LGR5: variants seen among roughly 807,000 people sequenced by gnomAD.
LGR5 encodes leucine rich repeat containing G protein-coupled receptor 5, also known as leucine-rich repeat-containing G protein-coupled receptor 5.
Under a neutral mutation model 76.7 loss-of-function variants are expected in LGR5, and 54 were observed. The observed-to-expected ratio is 0.70, with a 90% confidence interval of 0.57 to 0.88. The LOEUF is 0.88. Among genes scored for constraint, LGR5 ranks in the 40% least tolerant of loss-of-function variants. The pLI, the probability that LGR5 is intolerant of heterozygous loss-of-function variation, is 0.00. For missense variants in LGR5, 1,078 were observed against 1,073.3 expected (o/e 1.00, Z -0.06); for synonymous variants, 406 against 421.9 (o/e 0.96, Z 0.46).
intron 2 of LGR5, among the ~76,000 whole-genome samples, chr12:71,505,000 G>A (rs1874787453): frequency 6.6e-6 from 1 of 152,122 alleles, no homozygotes; most frequent in East Asian, 1.9e-4. Flanking sequence ...TAAGCAGCAG[G>A]ATATTAAAAG....
chr12:71,442,203 T>C (rs533265080), intron 1 of LGR5, among the ~76,000 whole-genome samples: 1 of 152,350 alleles, frequency 6.6e-6, no homozygotes, highest in South Asian at 2.1e-4. Flanking sequence ...AAACATTTGT[T>C]AGGCTTCCGT....
chr12:71,568,492 G>A (rs1878454483), intron 11 of LGR5, among the ~76,000 whole-genome samples: 1 of 152,110 alleles, frequency 6.6e-6, no homozygotes. Context: ...CACTTCCCTG[G>A]AACCATTATT....
rs530605210 is a variant in LGR5, at chr12:71,450,132, G to A, written c.212+9840G>A. On this transcript the variant is annotated intron_variant, in intron 1 of 17. Coordinates refer to ENST00000266674, the MANE Select transcript of LGR5 (RefSeq NM_003667.4). ...TTCTGAAAATCACGCAGCTAGCAAA[G>A]ACAGAATTGGACTCCAGATCTCCTG... Among the ~76,000 whole-genome samples, 3 of 152,270 alleles carry A rather than the reference G, an allele frequency of 2.0e-5. No homozygotes were observed. The East Asian group carries it at 5.8e-4, about 29-fold the overall frequency.
At chr12:71,502,495 G>T (rs1874655814) in intron 1 of LGR5, among the ~76,000 whole-genome samples, 1 of 152,178 alleles carries the variant, frequency 6.6e-6, no homozygotes. Context: ...ACCATGCCCA[G>T]CCAGGTACTT....
At chr12:71,563,849 A>AGT (rs147621030) in intron 8 of LGR5, among the ~76,000 whole-genome samples, 1,665 of 146,466 alleles carry the variant, frequency 0.011, 45 homozygotes, top group African/African-American at 0.027. Flanking sequence ...ATACCTGCCC[A>AGT]GTGTGTGTGT....
intron 1 of LGR5, among the ~76,000 whole-genome samples, chr12:71,446,410 C>T (rs968842746): frequency 6.6e-6 from 1 of 152,072 alleles, no homozygotes; most frequent in African/African-American, 2.4e-5. Context: ...CCTAAGTGTT[C>T]GGCACTAAAT....
At chr12:71,479,700 G>C (rs1669076335) in intron 1 of LGR5, among the ~76,000 whole-genome samples, 1 of 152,162 alleles carries the variant, frequency 6.6e-6, no homozygotes, top group South Asian at 2.1e-4. Flanking sequence ...GCCATTGGAA[G>C]GGACGGTGGG....
intron 2 of LGR5, among the ~76,000 whole-genome samples, chr12:71,512,818 A>C (rs11178835): frequency 6.6e-6 from 1 of 152,214 alleles, no homozygotes; most frequent in African/African-American, 2.4e-5. Flanking sequence ...GCAGCAGGAC[A>C]TCTAAATGGG....
intron 1 of LGR5, among the ~76,000 whole-genome samples, chr12:71,497,938 A>G (rs1414894803): frequency 1.3e-5 from 2 of 152,230 alleles, no homozygotes; most frequent in African/African-American, 2.4e-5. Context: ...GAATTTTAAG[A>G]TGATGAACAA....
chr12:71,572,905 C>T lies in LGR5; in HGVS notation c.1192C>T (p.Leu398Phe), dbSNP rs774559490. 1.2e-6 allele frequency: 2 copies of T among 1,613,680 alleles called. No homozygotes were observed. The highest frequency in any genetic ancestry group is 1.7e-6 in the Non-Finnish European group (2 of 1,179,596). ...TAAAGTTGACACTTTCCAGCAGTTG[C>T]TTAGCCTCCGATCGCTGTGAGTATC... ...EIKVDTFQQL[L>F]SLRSLNLAWN... Residue 398 changes from leucine (L) to phenylalanine (F), a missense_variant, in exon 13 of 18, where the codon CTT becomes TTT. By Grantham distance (22) the Leu-to-Phe change is conservative. Coordinates refer to ENST00000266674, the MANE Select transcript of LGR5 (RefSeq NM_003667.4).
At chr12:71,486,141 A>G (rs920591832) in intron 1 of LGR5, among the ~76,000 whole-genome samples, 1 of 152,088 alleles carries the variant, frequency 6.6e-6, no homozygotes, top group African/African-American at 2.4e-5. Context: ...TTTTAATTTT[A>G]CTTTAATAAT....
At chr12:71,532,952 A>C (rs1876398166) in intron 3 of LGR5, among the ~76,000 whole-genome samples, 1 of 152,162 alleles carries the variant, frequency 6.6e-6, no homozygotes, top group Non-Finnish European at 1.5e-5. Flanking sequence ...GGCTACTCTA[A>C]AGGCTGAGGC....
chr12:71,516,182 G>A (rs192342268), intron 2 of LGR5, among the ~76,000 whole-genome samples: 7 of 151,892 alleles, frequency 4.6e-5, no homozygotes, highest in African/African-American at 1.4e-4. Context: ...AAATTTGAGC[G>A]TAGAAAAAGA....
chr12:71,481,254 A>C (rs1592476883), intron 1 of LGR5, among the ~76,000 whole-genome samples: 1 of 150,934 alleles, frequency 6.6e-6, no homozygotes, highest in Non-Finnish European at 1.5e-5. Flanking sequence ...CTTACCCCCA[A>C]CCCCCTGACA....
At chr12:71,562,101 G>A (rs900735511) in intron 8 of LGR5, among the ~76,000 whole-genome samples, 3 of 152,094 alleles carry the variant, frequency 2.0e-5, no homozygotes, top group Non-Finnish European at 2.9e-5. Flanking sequence ...AAATAATCTT[G>A]TAAAATGCTT....
At position 71,566,453 on chromosome 12, in the gene LGR5, C is replaced by A; in HGVS notation, c.907C>A (p.His303Asn). ...IQFVGRSAFQ[H>N]LPELRTLTLN... ...GTTTGTTGGGAGATCTGCTTTTCAA[C>A]ATTTACCTGAACTAAGAACACTGTA... The change falls in exon 9 of 18, where the codon CAT (histidine) becomes AAT (asparagine). Residue 303 changes from histidine to asparagine, a missense_variant. Physicochemically the swap from His to Asn is moderately conservative, Grantham distance 68. Transcript: ENST00000266674. 6.2e-7 allele frequency: 1 copy of A among 1,604,636 alleles called. No individual in the cohort carries two copies. Among genetic ancestry groups the A allele is most frequent in the Non-Finnish European group, 8.5e-7 (1 of 1,171,674 alleles).
chr12:71,548,902 C>A (rs1877334969), intron 4 of LGR5, among the ~76,000 whole-genome samples: 1 of 151,788 alleles, frequency 6.6e-6, no homozygotes, highest in Admixed American at 6.6e-5. Context: ...AAAAGCAGAA[C>A]TATATAGTGT....
chr12:71,564,792 T>C (rs1231798302), intron 8 of LGR5, among the ~76,000 whole-genome samples: 39 of 149,190 alleles, frequency 2.6e-4, no homozygotes, highest in African/African-American at 8.1e-4. Flanking sequence ...TATACATATA[T>C]ACATATATGT....
At chr12:71,502,707 T>C (rs1057221811) in intron 1 of LGR5, among the ~76,000 whole-genome samples, 8 of 152,250 alleles carry the variant, frequency 5.3e-5, no homozygotes, top group African/African-American at 1.9e-4. Context: ...TTGCCTGTGC[T>C]TTCTCTGCTG....
Sources: allele counts gnomAD v4.1 joint callset (sites outside exome capture counted in the v4.1 genomes callset), GRCh38; gene constraint gnomAD v4.1.1; transcripts MANE v1.5; gene names NCBI Gene and HGNC (gene_info 2026-07-23, HGNC 2026-07-21).